LRBA: variants seen among roughly 807,000 people sequenced by gnomAD.
LRBA encodes lipopolysaccharide-responsive and beige-like anchor protein.
LRBA carries 176 observed loss-of-function variants against 330.0 expected under a neutral mutation model. That is an observed-to-expected ratio of 0.53 (90% CI 0.47 to 0.60). The LOEUF (loss-of-function observed/expected upper bound fraction) is 0.60, where lower values mean the gene tolerates loss of function less well. Ranked by LOEUF, LRBA falls within the 20% of genes least tolerant of loss-of-function variation. The pLI, the probability that LRBA is intolerant of heterozygous loss-of-function variation, is 0.00. For synonymous variants in LRBA, 1,230 were observed against 1,193.0 expected, an observed-to-expected ratio of 1.03 and a Z score of -0.64; for missense variants, 3,259 against 3,444.8, an observed-to-expected ratio of 0.95 and a Z score of 1.35.
intron 37 of LRBA, among the ~76,000 whole-genome samples, chr4:150,635,647 G>T (rs1167796812): frequency 6.6e-6 from 1 of 152,062 alleles, no homozygotes; most frequent in Non-Finnish European, 1.5e-5. Flanking sequence ...AGTGGAAAAT[G>T]GTAACATGAT....
chr4:150,765,085 TAA>T (rs75575371), intron 34 of LRBA, among the ~76,000 whole-genome samples: 30 of 134,616 alleles, frequency 2.2e-4, no homozygotes, highest in Admixed American at 1.9e-3. Flanking sequence ...TATTCAGCGC[TAA>T]AAAAAAAAAA....
intron 40 of LRBA, among the ~76,000 whole-genome samples, chr4:150,539,818 T>C (rs991480366): frequency 6.6e-6 from 1 of 152,204 alleles, no homozygotes; most frequent in Non-Finnish European, 1.5e-5. Flanking sequence ...GAGAAGACTA[T>C]TCAAGATTAC....
At chr4:150,635,519 G>A (rs980636973) in intron 37 of LRBA, among the ~76,000 whole-genome samples, 1 of 151,982 alleles carries the variant, frequency 6.6e-6, no homozygotes, top group African/African-American at 2.4e-5. Context: ...TCCTACCAGG[G>A]TTTGTCTTTC....
At chr4:150,868,047 T>C (rs1260832000) in intron 21 of LRBA, 135 bp downstream of exon 21, 18 of 987,160 alleles carry the variant, frequency 1.8e-5, no homozygotes, top group Non-Finnish European at 2.5e-5. Context: ...ATGTGGTACA[T>C]TATTTACATA....
At chr4:150,302,867 A>G (rs1729856740) in intron 52 of LRBA, 75 bp from the exon 53 acceptor site, 1 of 1,115,406 alleles carries the variant, frequency 9.0e-7, no homozygotes, top group African/African-American at 1.6e-5. Flanking sequence ...AACTTGTAAA[A>G]CAACGAAGCT....
In LRBA at chr4:150,828,494, C is replaced by T. The variant is rs1746617000; in HGVS notation, c.4857G>A (p.Val1619=). Residue 1619 remains valine, a synonymous_variant, in exon 30 of 57, where the codon GTG becomes GTA. Coordinates refer to ENST00000651943, the MANE Select transcript of LRBA (RefSeq NM_001364905.1). ...GAGGTGCTGTGTGAGGAGTTACTTC[C>T]ACATGGCTTCCTAAACCAGTGGCTG... ...EETATGLGSH[V]EVTPHTAPPG... is the part of the protein sequence containing the mutation. The T allele has an allele frequency of 6.2e-7, 1 of 1,613,976 alleles. No individual in the cohort carries two copies. Among genetic ancestry groups the T allele is most frequent in the Non-Finnish European group, 8.5e-7 (1 of 1,180,004 alleles).
Position 150,774,060 on chromosome 4 carries a change from G to A in LRBA, c.5581-12213C>T, listed in dbSNP as rs993524191. Among the ~76,000 whole-genome samples the A allele has an allele frequency of 3.3e-5, 5 of 152,144 alleles. No homozygotes were observed. In the East Asian group the frequency reaches 7.7e-4, roughly 23 times the overall value. The stretch of plus-strand genomic sequence containing the variant: ...GCACACCAGTGTATAGAGCACCCTT[G>A]ACATAACATAGACATCTTTCTATCT... On this transcript the variant is annotated intron_variant, in intron 34 of 56. Transcript: ENST00000651943.
At chr4:150,797,452 T>C (rs116594981) in intron 34 of LRBA, among the ~76,000 whole-genome samples, 367 of 152,054 alleles carry the variant, frequency 2.4e-3, no homozygotes, top group Non-Finnish European at 4.3e-3. Flanking sequence ...ATCTGTTTAA[T>C]TGCAAAACAG....
At chr4:150,276,946 A>G (rs1746859982) in intron 56 of LRBA, among the ~76,000 whole-genome samples, 1 of 152,184 alleles carries the variant, frequency 6.6e-6, no homozygotes, top group African/African-American at 2.4e-5. Flanking sequence ...AGGATTATAA[A>G]TCATTCTAGT....
At chr4:150,562,570 C>A (rs938457059) in intron 40 of LRBA, among the ~76,000 whole-genome samples, 2 of 151,976 alleles carry the variant, frequency 1.3e-5, no homozygotes, top group Non-Finnish European at 2.9e-5. Flanking sequence ...TCCTGGTATG[C>A]AAATTATAGG....
intron 53 of LRBA, among the ~76,000 whole-genome samples, chr4:150,295,803 TTAA>T (rs573961799): frequency 2.6e-5 from 4 of 152,242 alleles, no homozygotes; most frequent in Admixed American, 1.3e-4. Context: ...AGTATCTTTG[TTAA>T]TGCCTGTACA....
At position 150,490,917 on chromosome 4, in the gene LRBA, C is replaced by A; in HGVS notation, c.6448+1G>T. On this transcript the variant is annotated splice_donor_variant, in intron 41 of 56. Transcript: ENST00000651943. LOFTEE classifies it high-confidence loss of function. Reference sequence around the variant, plus strand: ...AACAACGTATTTCTGTAACACATTACCTCTGTTTGCCATAAAGATCTCCAG... The same window carrying A: ...AACAACGTATTTCTGTAACACATTAACTCTGTTTGCCATAAAGATCTCCAG... 6.4e-7 allele frequency: 1 copy of A among 1,561,630 alleles called. No individual in the cohort carries two copies. Among genetic ancestry groups the A allele is most frequent in the Non-Finnish European group, 8.8e-7 (1 of 1,135,278 alleles).
intron 35 of LRBA, among the ~76,000 whole-genome samples, chr4:150,753,957 C>A (rs1221463087): frequency 2.6e-5 from 4 of 151,622 alleles, no homozygotes; most frequent in African/African-American, 9.7e-5. Flanking sequence ...GTCCCAGGTA[C>A]TTGGGAGGCT....
Position 150,828,251 on chromosome 4 carries a change from C to A in LRBA, c.5100G>T (p.Leu1700=), listed in dbSNP as rs61741557. Residue 1700 remains leucine, a synonymous_variant, in exon 30 of 57, where the codon CTG becomes CTT. Coordinates refer to ENST00000651943, the MANE Select transcript of LRBA (RefSeq NM_001364905.1). ...CAAGGGCTCCAAGGCAGGCTGGTGGCAGAAGGGCAGGATCCACTGTGACTC... is the reference window on the plus strand; with the variant it reads ...CAAGGGCTCCAAGGCAGGCTGGTGGAAGAAGGGCAGGATCCACTGTGACTC... ...ADGVTVDPAL[L]PPACLGALGD... The A allele has an allele frequency of 1.4e-3, 2,282 of 1,614,092 alleles. 24 individuals carry two copies. In the African/African-American group the frequency reaches 0.026, roughly 18 times the overall value.
At chr4:150,752,164 A>C (rs1733648551) in intron 35 of LRBA, among the ~76,000 whole-genome samples, 1 of 152,210 alleles carries the variant, frequency 6.6e-6, no homozygotes, top group Non-Finnish European at 1.5e-5. Flanking sequence ...ATAATATGAG[A>C]ACTACTAAAG....
At chr4:150,764,212 G>C (rs911343702) in intron 34 of LRBA, among the ~76,000 whole-genome samples, 1 of 151,164 alleles carries the variant, frequency 6.6e-6, no homozygotes, top group African/African-American at 2.5e-5. Flanking sequence ...TAAATCTTTA[G>C]ATTAGTCATT....
chr4:150,347,336 G>A (rs540351372), intron 48 of LRBA, among the ~76,000 whole-genome samples: 14 of 152,234 alleles, frequency 9.2e-5, no homozygotes, highest in African/African-American at 3.4e-4. Context: ...TGATGCCACT[G>A]AACTGTAAAC....
intron 47 of LRBA, among the ~76,000 whole-genome samples, chr4:150,365,552 G>A (rs1430015243): frequency 6.6e-6 from 1 of 152,078 alleles, no homozygotes; most frequent in Non-Finnish European, 1.5e-5. Context: ...AACATTTTGG[G>A]AGGTCAAGAT....
chr4:150,613,036 T>C (rs749277172), intron 37 of LRBA, among the ~76,000 whole-genome samples: 13 of 152,148 alleles, frequency 8.5e-5, no homozygotes, highest in Non-Finnish European at 1.8e-4. Flanking sequence ...TTGGAAGCAG[T>C]CTCATTTAGC....
Sources: allele counts gnomAD v4.1 joint callset (sites outside exome capture counted in the v4.1 genomes callset), GRCh38; gene constraint gnomAD v4.1.1; transcripts MANE v1.5; gene names NCBI Gene and HGNC (gene_info 2026-07-23, HGNC 2026-07-21).